The following WASHC5 variants were observed in gnomAD, a reference collection of about 807,000 sequenced individuals.
WASHC5 encodes WASH complex subunit 5.
Under a neutral mutation model 150.4 loss-of-function variants are expected in WASHC5, and 101 were observed. The ratio of observed to expected loss-of-function variants is 0.67; its 90% CI spans 0.57 to 0.79. WASHC5 has a LOEUF of 0.79. WASHC5 is among the 30% of genes least tolerant of loss of function. The pLI, the probability that WASHC5 is intolerant of heterozygous loss-of-function variation, is 0.00. For missense variants in WASHC5, 1,195 were observed against 1,396.3 expected, an observed-to-expected ratio of 0.86 and a Z score of 2.30; for synonymous variants, 467 against 491.2, an observed-to-expected ratio of 0.95 and a Z score of 0.65.
At chr8:125,055,554 C>T in intron 17 of WASHC5, 37 bp downstream of exon 17, 1 of 1,227,190 alleles carries the variant, frequency 8.1e-7, no homozygotes, top group Non-Finnish European at 1.2e-6. Flanking sequence ...AGCTAAGAGT[C>T]ATGGTGCGAG....
intron 27 of WASHC5, among the ~76,000 whole-genome samples, chr8:125,030,639 A>T (rs921156743): frequency 1.9e-5 from 2 of 104,352 alleles, no homozygotes; most frequent in Admixed American, 1.8e-4. Context: ...CTTTCTCATA[A>T]AAAAAAAAAA....
At chr8:125,046,735 G>A (rs1456324821) in intron 20 of WASHC5, among the ~76,000 whole-genome samples, 5 of 151,548 alleles carry the variant, frequency 3.3e-5, no homozygotes, top group South Asian at 4.1e-4. Flanking sequence ...ATTAGTTGTT[G>A]CTATCAAAAG....
In WASHC5 at chr8:125,074,988, T is replaced by A; in HGVS notation, c.978+10A>T. The stretch of plus-strand genomic sequence containing the variant: ...CAGTTATCAGAGAATGTCCCCAGAT[T>A]AGAACCTACCTGTTCTCTGACATTT... On this transcript the variant is annotated intron_variant, in intron 8 of 28. Transcript: ENST00000318410. 6.6e-7 allele frequency: 1 copy of A among 1,518,130 alleles called. No homozygotes were observed. The highest frequency in any genetic ancestry group is 9.2e-7 in the Non-Finnish European group (1 of 1,092,650). The allele number at this position is 1,518,130 out of a possible 1,614,324, so 94.0% of individuals were successfully genotyped here.
chr8:125,041,030 T>C (rs1194045468), intron 23 of WASHC5, among the ~76,000 whole-genome samples: 2 of 152,238 alleles, frequency 1.3e-5, no homozygotes, highest in Non-Finnish European at 2.9e-5. Context: ...GGATGGTGTA[T>C]TAACTACAGT....
chr8:125,044,605 G>A lies in WASHC5; in HGVS notation c.2598C>T (p.Thr866=). 6.2e-7 allele frequency: 1 copy of A among 1,614,090 alleles called. No individual in the cohort carries two copies. Among genetic ancestry groups the A allele is most frequent in the Non-Finnish European group, 8.5e-7 (1 of 1,179,968 alleles). The part of the protein sequence containing the change: ...TSSRLFSEIQ[T]TLGTFGLNGL... Reference sequence around the variant, plus strand: ...CATTTAGACCAAAGGTTCCCAAGGTGGTCTGGATTTCTGAGAAGAGGCGGC... The same window carrying A: ...CATTTAGACCAAAGGTTCCCAAGGTAGTCTGGATTTCTGAGAAGAGGCGGC... Residue 866 remains threonine, a synonymous_variant, in exon 21 of 29, where the codon ACC becomes ACT. Coordinates refer to ENST00000318410, the MANE Select transcript of WASHC5 (RefSeq NM_014846.4).
intron 10 of WASHC5, among the ~76,000 whole-genome samples, chr8:125,063,983 G>A (rs1310017855): frequency 6.6e-6 from 1 of 152,158 alleles, no homozygotes; most frequent in Non-Finnish European, 1.5e-5. Context: ...CATTTTTAAT[G>A]TGAGATTAAA....
rs1191721890 is a variant in WASHC5, at chr8:125,050,571, C to T, written c.2192G>A (p.Arg731Gln). ...ACTCTGGTCACTGGGTACCTTGGCT[C>T]GAGGGTTGAATATCAGTCCCCTATG... ...ALHRGLIFNP[R>Q]AKPSELMPKL... Residue 731 changes from arginine to glutamine, a missense_variant, in exon 18 of 29, where the codon CGA becomes CAA. Arg to Gln is a conservative substitution (Grantham distance 43). Coordinates refer to ENST00000318410, the MANE Select transcript of WASHC5 (RefSeq NM_014846.4). 1 of 1,613,396 alleles carries T rather than the reference C, an allele frequency of 6.2e-7. No individual in the cohort carries two copies.
chr8:125,056,872 G>A, intron 15 of WASHC5, 55 bp from the exon 16 acceptor site: 1 of 1,609,812 alleles, frequency 6.2e-7, no homozygotes, highest in Non-Finnish European at 8.5e-7. Context: ...ACTTTTCTTG[G>A]CTGACAAATA....
intron 4 of WASHC5, 120 bp from the exon 5 acceptor site, chr8:125,081,881 G>C (rs1817276644): frequency 2.8e-6 from 2 of 717,508 alleles, no homozygotes; most frequent in South Asian, 3.0e-5. Flanking sequence ...TAGATTTCAA[G>C]GAAAAGGTAG....
At chr8:125,046,437 A>G (rs147754135) in intron 20 of WASHC5, among the ~76,000 whole-genome samples, 1 of 152,342 alleles carries the variant, frequency 6.6e-6, no homozygotes, top group African/African-American at 2.4e-5. Flanking sequence ...TAGAGCCCAC[A>G]TAACCCGTAT....
At chr8:125,041,993 C>G (rs987404497) in intron 23 of WASHC5, among the ~76,000 whole-genome samples, 1 of 152,146 alleles carries the variant, frequency 6.6e-6, no homozygotes, top group Non-Finnish European at 1.5e-5. Context: ...CAAGGATCCT[C>G]TTGAAAATAT....
chr8:125,034,528 T>C (rs1332747760), intron 26 of WASHC5, among the ~76,000 whole-genome samples: 1 of 151,452 alleles, frequency 6.6e-6, no homozygotes, highest in Non-Finnish European at 1.5e-5. Context: ...ATGGCTAAAA[T>C]GAAAATGACT....
chr8:125,048,523 T>A (rs57107402), intron 19 of WASHC5, among the ~76,000 whole-genome samples: 4,570 of 152,244 alleles, frequency 0.03, 241 homozygotes, highest in African/African-American at 0.1. Flanking sequence ...ACTATAATTT[T>A]AAAAAATTGA....
chr8:125,030,637 T>TAAA (rs71295816), intron 27 of WASHC5, among the ~76,000 whole-genome samples: 1,676 of 52,758 alleles, frequency 0.032, 92 homozygotes, highest in South Asian at 0.12. Flanking sequence ...CTCTTTCTCA[T>TAAA]AAAAAAAAAA....
chr8:125,073,331 A>G lies in WASHC5; in HGVS notation c.979-7T>C, dbSNP rs756845311. 6.2e-7 allele frequency: 1 copy of G among 1,612,052 alleles called. No individual in the cohort carries two copies. Among genetic ancestry groups the G allele is most frequent in the Non-Finnish European group, 8.5e-7 (1 of 1,178,182 alleles). On this transcript the variant is annotated splice_polypyrimidine_tract_variant and splice_region_variant and intron_variant, in intron 8 of 28. Transcript: ENST00000318410. Reference sequence around the variant, plus strand: ...CAGTAGCATATCTGCTTGCCTTGACAAATAAGAAACTTGAATTACATTTAA... The same window carrying G: ...CAGTAGCATATCTGCTTGCCTTGACGAATAAGAAACTTGAATTACATTTAA...
intron 27 of WASHC5, among the ~76,000 whole-genome samples, chr8:125,030,637 TAAAAAAAAAA>T (rs71295816): frequency 1.9e-5 from 1 of 52,788 alleles, no homozygotes; most frequent in Non-Finnish European, 3.6e-5. Flanking sequence ...CTCTTTCTCA[TAAAAAAAAAA>T]AAAAAAAAAA....
chr8:125,075,664 T>C (rs1817034671), intron 7 of WASHC5, among the ~76,000 whole-genome samples: 1 of 152,180 alleles, frequency 6.6e-6, no homozygotes. Context: ...CACTTCCTAA[T>C]GTAGGCTGTT....
intron 11 of WASHC5, among the ~76,000 whole-genome samples, chr8:125,062,891 A>C (rs1003068406): frequency 6.6e-6 from 1 of 152,230 alleles, no homozygotes; most frequent in Non-Finnish European, 1.5e-5. Flanking sequence ...TTATTTATAA[A>C]AAATTTGAAA....
intron 27 of WASHC5, among the ~76,000 whole-genome samples, chr8:125,031,114 C>T (rs1815522086): frequency 6.6e-6 from 1 of 152,082 alleles, no homozygotes; most frequent in South Asian, 2.1e-4. Context: ...TAGCACAAGC[C>T]CCCTCGGTGA....
Sources: allele counts gnomAD v4.1 joint callset (sites outside exome capture counted in the v4.1 genomes callset), GRCh38; gene constraint gnomAD v4.1.1; transcripts MANE v1.5; gene names NCBI Gene and HGNC (gene_info 2026-07-23, HGNC 2026-07-21).